Variants in PCDHGA6 observed in about 807,000 individuals in gnomAD.
The protein encoded by PCDHGA6 is protocadherin gamma subfamily A, 6.
A neutral mutation model predicts 60.6 loss-of-function variants in PCDHGA6; 41 were observed. That is an observed-to-expected ratio of 0.68 (90% confidence interval 0.53 to 0.88). The LOEUF (loss-of-function observed/expected upper bound fraction) is 0.88, where lower values mean the gene tolerates loss of function less well. Ranked by LOEUF, PCDHGA6 falls within the 40% of genes least tolerant of loss-of-function variation. The pLI, the probability that PCDHGA6 is intolerant of heterozygous loss-of-function variation, is 0.00. For synonymous variants in PCDHGA6, 594 were observed against 524.4 expected, an observed-to-expected ratio of 1.13 and a Z score of -1.81; for missense variants, 1,312 against 1,203.0, an observed-to-expected ratio of 1.09 and a Z score of -1.34.
chr5:141,492,934 G>A (rs1382515835), intron 1 of PCDHGA6, among the ~76,000 whole-genome samples: 7 of 152,236 alleles, frequency 4.6e-5, no homozygotes, highest in Admixed American at 4.6e-4. Flanking sequence ...TAGGGTCAGA[G>A]ATTTGGAGGT....
At chr5:141,418,310 G>A in intron 1 of PCDHGA6, 1 of 1,613,990 alleles carries the variant, frequency 6.2e-7, no homozygotes, top group Non-Finnish European at 8.5e-7. Context: ...CCTGGGGATG[G>A]GAACAATTCT....
At chr5:141,389,034 T>C (rs369402592) in intron 1 of PCDHGA6, 34 of 1,613,840 alleles carry the variant, frequency 2.1e-5, no homozygotes, top group East Asian at 4.5e-5. Flanking sequence ...GACTTGTAAA[T>C]TGGAAGGTGA....
chr5:141,414,702 A>G, intron 1 of PCDHGA6: 1 of 1,613,974 alleles, frequency 6.2e-7, no homozygotes, highest in Non-Finnish European at 8.5e-7. Context: ...CCTCATACAT[A>G]TCCATCAACT....
intron 1 of PCDHGA6, chr5:141,385,286 A>G: frequency 3.1e-6 from 5 of 1,613,826 alleles, no homozygotes; most frequent in Non-Finnish European, 4.2e-6. Flanking sequence ...ACATCCGTAG[A>G]TTTTCAGGAA....
In PCDHGA6 at chr5:141,476,524, T is replaced by C. The variant is rs1350353768; in HGVS notation, c.2425-18283T>C. On this transcript the variant is annotated intron_variant, in intron 1 of 3. Coordinates refer to ENST00000517434, the MANE Select transcript of PCDHGA6 (RefSeq NM_018919.3). The surrounding 1 kb of genome is among the most constrained non-coding windows in gnomAD (Gnocchi z 7.6). ...TCAACGACAACAATCCTGCTTTCCC[T>C]ACCCAGGAAATGAAATTGGAGATTA... 6.2e-7 allele frequency: 1 copy of C among 1,614,182 alleles called. No individual in the cohort carries two copies. Among genetic ancestry groups the C allele is most frequent in the Non-Finnish European group, 8.5e-7 (1 of 1,180,028 alleles).
intron 1 of PCDHGA6, among the ~76,000 whole-genome samples, chr5:141,449,281 G>A (rs1051064124): frequency 6.6e-6 from 1 of 151,946 alleles, no homozygotes; most frequent in Non-Finnish European, 1.5e-5. Context: ...TCCTTCACCC[G>A]GATGCACCGG....
intron 1 of PCDHGA6, chr5:141,378,047 TC>T (rs1257560476): frequency 1.3e-5 from 2 of 152,202 alleles, no homozygotes; most frequent in Non-Finnish European, 2.9e-5. Flanking sequence ...ACTTTCCTTA[TC>T]TATCTGACTC....
Position 141,432,206 on chromosome 5 carries a change from G to T in PCDHGA6, c.2424+55699G>T, listed in dbSNP as rs551220443. ...GACCGCCCACGACCCCGACTGTGAA[G>T]AGAACGCCCAGATCACTTATTCCCT... On this transcript the variant is annotated intron_variant, in intron 1 of 3. Coordinates refer to ENST00000517434, the MANE Select transcript of PCDHGA6 (RefSeq NM_018919.3). The surrounding 1 kb of genome is among the most constrained non-coding windows in gnomAD (Gnocchi z 6.0). 12 of 1,614,214 alleles carry T rather than the reference G, an allele frequency of 7.4e-6. No individual in the cohort carries two copies. The Admixed American group carries it at 8.3e-5, about 11-fold the overall frequency.
At position 141,377,829 on chromosome 5, in the gene PCDHGA6, C is replaced by A. The variant is rs970459356; in HGVS notation, c.2424+1322C>A. On this transcript the variant is annotated intron_variant, in intron 1 of 3. Transcript: ENST00000517434. ...GTTATTTACTTGGGCCAGTTACAAT[C>A]GCCATTATCTTCCAATTAAAATTAA... 4 of 152,110 alleles carry A rather than the reference C, an allele frequency of 2.6e-5. No individual in the cohort carries two copies. In the South Asian group the frequency reaches 6.2e-4, roughly 24 times the overall value. The allele number at this position is 152,110 out of a possible 1,614,324, so 9.4% of individuals were successfully genotyped here.
chr5:141,421,077 A>G (rs975269359), intron 1 of PCDHGA6: 1 of 619,100 alleles, frequency 1.6e-6, no homozygotes, highest in Non-Finnish European at 2.7e-6. Context: ...TGAGATGGAT[A>G]CTCACAGATC....
chr5:141,509,086 A>T lies in PCDHGA6; in HGVS notation c.2573-1861A>T, dbSNP rs147084289. On this transcript the variant is annotated intron_variant, in intron 3 of 3. Coordinates refer to ENST00000517434, the MANE Select transcript of PCDHGA6 (RefSeq NM_018919.3). ...CAGCTCCGGGGATTTGCGACATGAAATGGGGGCTGTAGAAACCTGAGCGCT... is the reference window on the plus strand; with the variant it reads ...CAGCTCCGGGGATTTGCGACATGAATTGGGGGCTGTAGAAACCTGAGCGCT... 8.3e-3 allele frequency among the ~76,000 whole-genome samples: 1,261 copies of T among 152,228 alleles called. 7 individuals are homozygous for T. Among genetic ancestry groups the T allele is most frequent in the Middle Eastern group, 0.037 (11 of 294 alleles).
intron 1 of PCDHGA6, chr5:141,418,384 C>A (rs774636792): frequency 1.5e-5 from 25 of 1,613,864 alleles, no homozygotes; most frequent in East Asian, 4.5e-5. Context: ...TAAGTCCTAA[C>A]GAGTATTTCT....
At chr5:141,484,392 T>G (rs1454201773) in intron 1 of PCDHGA6, among the ~76,000 whole-genome samples, 1 of 152,162 alleles carries the variant, frequency 6.6e-6, no homozygotes, top group African/African-American at 2.4e-5. Flanking sequence ...TAAGAAAGGT[T>G]TGGTTTCCGC....
intron 1 of PCDHGA6, among the ~76,000 whole-genome samples, chr5:141,453,065 G>A (rs1308047230): frequency 3.3e-5 from 5 of 151,960 alleles, no homozygotes; most frequent in African/African-American, 1.2e-4. Flanking sequence ...TTAGAGTTTT[G>A]CCACACTCTG....
At chr5:141,481,913 C>CAAAAA (rs34114744) in intron 1 of PCDHGA6, among the ~76,000 whole-genome samples, 2 of 90,852 alleles carry the variant, frequency 2.2e-5, no homozygotes, top group Non-Finnish European at 4.4e-5. Flanking sequence ...AACTCCATCT[C>CAAAAA]AAAAAAAAAA....
intron 1 of PCDHGA6, chr5:141,388,956 G>A (rs1010974359): frequency 1.9e-6 from 3 of 1,613,964 alleles, no homozygotes; most frequent in South Asian, 1.1e-5. Flanking sequence ...TATGGAGGAC[G>A]CCGAGCTGGG....
At chr5:141,492,256 A>G (rs1323720621) in intron 1 of PCDHGA6, among the ~76,000 whole-genome samples, 1 of 151,974 alleles carries the variant, frequency 6.6e-6, no homozygotes, top group Non-Finnish European at 1.5e-5. Context: ...CGGCCCACAC[A>G]AGTTGCACGG....
chr5:141,421,782 C>A, intron 1 of PCDHGA6: 1 of 1,613,878 alleles, frequency 6.2e-7, no homozygotes, highest in Non-Finnish European at 8.5e-7. Context: ...AACTGCGGGG[C>A]AGAACGGATG....
At chr5:141,473,750 G>C (rs777343462) in intron 1 of PCDHGA6, among the ~76,000 whole-genome samples, 1 of 152,192 alleles carries the variant, frequency 6.6e-6, no homozygotes, top group Non-Finnish European at 1.5e-5. Context: ...TGAGAACTTG[G>C]ATACTATGCA....
Sources: gnomAD v4.1 joint callset for allele counts (sites outside exome capture counted in the v4.1 genomes callset) on GRCh38, gnomAD v4.1.1 for gene constraint, Gnocchi (gnomAD v3.1) non-coding constraint, MANE v1.5 for transcripts, NCBI Gene and HGNC (gene_info 2026-07-23, HGNC 2026-07-21) for gene names.